Variants in RNF125 observed in about 807,000 individuals in gnomAD.
RNF125 encodes ring finger protein 125.
A neutral mutation model predicts 26.0 loss-of-function variants in RNF125; 21 were observed. The observed-to-expected ratio is 0.81, with a 90% CI of 0.57 to 1.16. RNF125 has a LOEUF of 1.16. Among genes scored for constraint, RNF125 ranks in the 50% most tolerant of loss-of-function variants. The probability of loss-of-function intolerance (pLI) is 0.00; values close to 1 mark genes in which losing one functional copy is unlikely to be tolerated. For missense variants in RNF125, 270 were observed against 299.4 expected (o/e 0.90, Z 0.72); for synonymous variants, 95 against 109.2 (o/e 0.87, Z 0.81).
rs201846866 is a variant in RNF125 at position 32,018,953 on chromosome 18, G to A, written c.90G>A (p.Leu30=). Residue 30 remains leucine, a synonymous_variant, in exon 1 of 6, where the codon TTG becomes TTA. Coordinates refer to ENST00000217740, the MANE Select transcript of RNF125 (RefSeq NM_017831.4). ...TGGAGCGCAGGAGGGACCCGGAGTT[G>A]CCCGTCACGTCCTTCGACTGCGCCG... ...RALERRRDPE[L]PVTSFDCAVC... 142 of 1,613,802 alleles carry A rather than the reference G, an allele frequency of 8.8e-5. No homozygotes were observed. In the African/African-American group the frequency reaches 1.8e-3, roughly 20 times the overall value.
intron 4 of RNF125, among the ~76,000 whole-genome samples, chr18:32,055,326 C>T (rs2039370129): frequency 6.6e-6 from 1 of 150,844 alleles, no homozygotes; most frequent in Non-Finnish European, 1.5e-5. Context: ...AGAAATTAGA[C>T]CAAGTTATTC....
intron 1 of RNF125, among the ~76,000 whole-genome samples, chr18:32,036,323 C>T (rs573465051): frequency 1.3e-5 from 2 of 151,528 alleles, no homozygotes; most frequent in Admixed American, 1.3e-4. Context: ...ATTTAAAAAG[C>T]CTACCTTTGG....
intron 1 of RNF125, among the ~76,000 whole-genome samples, chr18:32,025,201 T>A (rs2039021508): frequency 2.0e-5 from 3 of 151,704 alleles, no homozygotes; most frequent in African/African-American, 4.9e-5. Context: ...CTACAGACTA[T>A]ACAAACTCAT....
At chr18:32,046,854 A>G (rs574254319) in intron 4 of RNF125, among the ~76,000 whole-genome samples, 73 of 151,704 alleles carry the variant, frequency 4.8e-4, no homozygotes, top group African/African-American at 1.7e-3. Flanking sequence ...TTGTGAGGTA[A>G]GGCAGAGTGG....
At chr18:32,047,876 A>G (rs909118944) in intron 4 of RNF125, among the ~76,000 whole-genome samples, 1 of 152,186 alleles carries the variant, frequency 6.6e-6, no homozygotes, top group African/African-American at 2.4e-5. Flanking sequence ...CCTGTAATCC[A>G]GGACTTTGGG....
At chr18:32,058,935 A>G (rs2039411183) in intron 4 of RNF125, among the ~76,000 whole-genome samples, 1 of 152,070 alleles carries the variant, frequency 6.6e-6, no homozygotes, top group African/African-American at 2.4e-5. Flanking sequence ...AGTTCCATCC[A>G]TGTTGTTGCA....
At chr18:32,080,632 G>A in the RNF125 span, among the ~76,000 whole-genome samples, 5 of 152,216 alleles carry the variant, frequency 3.3e-5, no homozygotes, top group Non-Finnish European at 7.3e-5. Context: ...AGTTCTGCAA[G>A]ATAAAACGTT....
At chr18:32,042,768 TA>T in intron 3 of RNF125, among the ~76,000 whole-genome samples, 1 of 149,818 alleles carries the variant, frequency 6.7e-6, no homozygotes, top group Non-Finnish European at 1.5e-5. Context: ...TTTTGATGGG[TA>T]ATCTCGTATG....
At chr18:32,060,251 A>C (rs2039422329) in intron 4 of RNF125, among the ~76,000 whole-genome samples, 1 of 152,194 alleles carries the variant, frequency 6.6e-6, no homozygotes, top group Admixed American at 6.6e-5. Context: ...CCAGGTCACA[A>C]ATCAGGACAG....
At chr18:32,076,590 T>A (rs2039572050), downstream of RNF125, among the ~76,000 whole-genome samples, 1 of 152,148 alleles carries the variant, frequency 6.6e-6, no homozygotes, top group Non-Finnish European at 1.5e-5. Flanking sequence ...AGATTACAGG[T>A]GTGAGCCAAC....
At chr18:32,078,740 T>G in the RNF125 span, among the ~76,000 whole-genome samples, 1 of 152,168 alleles carries the variant, frequency 6.6e-6, no homozygotes, top group South Asian at 2.1e-4. Flanking sequence ...AAACTTTGCT[T>G]TAGTTAGTTT....
intron 1 of RNF125, among the ~76,000 whole-genome samples, chr18:32,029,234 A>T (rs1291717776): frequency 1.3e-5 from 2 of 152,188 alleles, no homozygotes; most frequent in African/African-American, 4.8e-5. Context: ...TGTAAAAAAT[A>T]GATTTGAAGG....
chr18:32,057,293 G>A (rs141772121), intron 4 of RNF125, among the ~76,000 whole-genome samples: 1 of 150,970 alleles, frequency 6.6e-6, no homozygotes, highest in Non-Finnish European at 1.5e-5. Flanking sequence ...TCATATTTCT[G>A]GCCTAATTAT....
chr18:32,054,460 A>G (rs1425743049), intron 4 of RNF125, among the ~76,000 whole-genome samples: 1 of 152,206 alleles, frequency 6.6e-6, no homozygotes, highest in Non-Finnish European at 1.5e-5. Context: ...GTCCCATCAC[A>G]TCTAAAAAAT....
At chr18:32,054,748 A>G (rs2039363685) in intron 4 of RNF125, among the ~76,000 whole-genome samples, 1 of 152,208 alleles carries the variant, frequency 6.6e-6, no homozygotes, top group African/African-American at 2.4e-5. Flanking sequence ...GAAAAGTACT[A>G]GAAATCTTTT....
intron 1 of RNF125, among the ~76,000 whole-genome samples, chr18:32,026,125 C>T (rs1162934752): frequency 8.8e-5 from 13 of 148,048 alleles, no homozygotes; most frequent in Non-Finnish European, 1.8e-4. Flanking sequence ...AGTGCAACAG[C>T]GCAATCTTGG....
chr18:32,041,785 T>C (rs945908012), intron 2 of RNF125: 15 of 125,656 alleles, frequency 1.2e-4, no homozygotes, highest in Non-Finnish European at 1.7e-4. Context: ...CGCCCGCCAC[T>C]ACGCCCGGCT....
intron 1 of RNF125, among the ~76,000 whole-genome samples, chr18:32,028,923 A>G (rs1202908231): frequency 6.6e-6 from 1 of 152,176 alleles, no homozygotes; most frequent in Non-Finnish European, 1.5e-5. Context: ...TGGGGTGAGT[A>G]GTGCCATTTT....
At chr18:32,023,955 ATAAATT>A (rs990835736) in intron 1 of RNF125, among the ~76,000 whole-genome samples, 1 of 152,186 alleles carries the variant, frequency 6.6e-6, no homozygotes, top group African/African-American at 2.4e-5. Flanking sequence ...TATATCAATA[ATAAATT>A]TAAATAAAAC....
Sources: allele counts gnomAD v4.1 joint callset (sites outside exome capture counted in the v4.1 genomes callset), GRCh38; gene constraint gnomAD v4.1.1; transcripts MANE v1.5; gene names NCBI Gene and HGNC (gene_info 2026-07-23, HGNC 2026-07-21).